Variants in GPC5 observed in about 807,000 individuals in gnomAD.
GPC5 encodes glypican 5.
Under a neutral mutation model 53.9 loss-of-function variants are expected in GPC5, and 47 were observed. That is an observed-to-expected ratio of 0.87 (90% CI 0.69 to 1.11). The LOEUF is 1.11. Ranked by LOEUF, GPC5 falls within the 50% of genes most tolerant of loss-of-function variation. The probability of loss-of-function intolerance (pLI) is 0.00; values close to 1 mark genes in which losing one functional copy is unlikely to be tolerated. For missense variants in GPC5, 748 were observed against 713.1 expected, an observed-to-expected ratio of 1.05 and a Z score of -0.56; for synonymous variants, 286 against 263.3, an observed-to-expected ratio of 1.09 and a Z score of -0.84.
intron 7 of GPC5, among the ~76,000 whole-genome samples, chr13:92,663,833 CTATATATATATACACACACACACTATA>C (rs1886454556): frequency 4.0e-5 from 5 of 124,138 alleles, no homozygotes; most frequent in African/African-American, 1.6e-4. Context: ...TATACACACA[CTATATATATATACACACACACACTATA>C]TATATATATA....
At chr13:92,271,714 A>G (rs2042841109) in intron 7 of GPC5, among the ~76,000 whole-genome samples, 1 of 152,180 alleles carries the variant, frequency 6.6e-6, no homozygotes, top group Non-Finnish European at 1.5e-5. Context: ...GAGAGTCAGA[A>G]AGAAGGTAGA....
chr13:91,702,357 A>G (rs1008392507), intron 3 of GPC5, among the ~76,000 whole-genome samples: 3 of 152,108 alleles, frequency 2.0e-5, no homozygotes, highest in Non-Finnish European at 4.4e-5. Flanking sequence ...TATCCAAAAA[A>G]TCTTGCTAAG....
At chr13:92,706,413 C>A (rs934464160) in intron 7 of GPC5, among the ~76,000 whole-genome samples, 1 of 151,780 alleles carries the variant, frequency 6.6e-6, no homozygotes, top group South Asian at 2.1e-4. Context: ...ATGTTGTTGA[C>A]TGGCAAATGG....
chr13:92,729,165 T>A (rs1488766832), intron 7 of GPC5, among the ~76,000 whole-genome samples: 1 of 151,382 alleles, frequency 6.6e-6, no homozygotes, highest in African/African-American at 2.4e-5. Context: ...TCCTTTGTTA[T>A]CTACCATGTC....
At chr13:91,450,592 T>G (rs1288960179) in intron 2 of GPC5, among the ~76,000 whole-genome samples, 2 of 152,172 alleles carry the variant, frequency 1.3e-5, no homozygotes, top group Admixed American at 6.5e-5. Flanking sequence ...GCTAAAAGTT[T>G]AGTGATAACC....
At chr13:92,314,774 T>C (rs906379682) in intron 7 of GPC5, among the ~76,000 whole-genome samples, 6 of 152,124 alleles carry the variant, frequency 3.9e-5, no homozygotes, top group African/African-American at 7.2e-5. Flanking sequence ...ATTTTTATTT[T>C]TATTTATTTA....
intron 7 of GPC5, among the ~76,000 whole-genome samples, chr13:92,654,337 G>T (rs1315631958): frequency 2.0e-5 from 3 of 152,030 alleles, no homozygotes; most frequent in African/African-American, 7.2e-5. Flanking sequence ...CAATAAAAAT[G>T]GTTTTCCAGA....
intron 1 of GPC5, among the ~76,000 whole-genome samples, chr13:91,433,697 A>G (rs1451488126): frequency 2.0e-5 from 3 of 152,060 alleles, no homozygotes; most frequent in Non-Finnish European, 2.9e-5. Context: ...ATGATTTATA[A>G]TCCTTTGGGT....
At chr13:92,143,971 T>C (rs1362670676) in intron 6 of GPC5, among the ~76,000 whole-genome samples, 1 of 152,160 alleles carries the variant, frequency 6.6e-6, no homozygotes, top group Non-Finnish European at 1.5e-5. Flanking sequence ...TACCCTCTAG[T>C]GCTCACACTT....
intron 6 of GPC5, among the ~76,000 whole-genome samples, chr13:92,050,408 T>C (rs2041018014): frequency 6.6e-6 from 1 of 152,170 alleles, no homozygotes; most frequent in African/African-American, 2.4e-5. Flanking sequence ...TGAGTGGTTA[T>C]ATGGGGATTA....
intron 7 of GPC5, among the ~76,000 whole-genome samples, chr13:92,231,790 A>AC (rs2042531840): frequency 6.6e-6 from 1 of 152,004 alleles, no homozygotes; most frequent in Non-Finnish European, 1.5e-5. Flanking sequence ...ACATGGTGAA[A>AC]CCCCATCTCT....
At chr13:92,715,819 G>T (rs959176892) in intron 7 of GPC5, among the ~76,000 whole-genome samples, 1 of 152,128 alleles carries the variant, frequency 6.6e-6, no homozygotes, top group Non-Finnish European at 1.5e-5. Context: ...ATGGACAAGG[G>T]CTCATACAAC....
intron 1 of GPC5, among the ~76,000 whole-genome samples, chr13:91,426,250 T>G (rs75647855): frequency 0.014 from 2,056 of 151,722 alleles, 24 homozygotes; most frequent in Non-Finnish European, 0.022. Context: ...ACCTTCCCGG[T>G]AGCCCCTCCC....
At chr13:91,879,133 T>C (rs1406639376) in intron 5 of GPC5, among the ~76,000 whole-genome samples, 1 of 152,098 alleles carries the variant, frequency 6.6e-6, no homozygotes, top group East Asian at 1.9e-4. Flanking sequence ...TTTTCATATA[T>C]AAATAATTAT....
At position 92,291,449 on chromosome 13, in the gene GPC5, A is replaced by G. The variant is rs141610759; in HGVS notation, c.1561+146460A>G. On this transcript the variant is annotated intron_variant, in intron 7 of 7. Transcript: ENST00000377067. ...TAGCTCAGGGTTTGTGAATGCACCAATCGACACTGTATCTAGCTAATCTAG... is the reference window on the plus strand; with the variant it reads ...TAGCTCAGGGTTTGTGAATGCACCAGTCGACACTGTATCTAGCTAATCTAG... Among the ~76,000 whole-genome samples the G allele has an allele frequency of 5.7e-3, 870 of 152,190 alleles. 8 individuals carry two copies. Among genetic ancestry groups the G allele is most frequent in the African/African-American group, 0.019 (808 of 41,530 alleles).
chr13:91,448,629 T>A, intron 1 of GPC5, 132 bp from the exon 2 acceptor site: 1 of 793,452 alleles, frequency 1.3e-6, no homozygotes, highest in Non-Finnish European at 1.9e-6. Context: ...AACTTTCTTA[T>A]AGCAAGTACT....
intron 2 of GPC5, among the ~76,000 whole-genome samples, chr13:91,525,411 A>G (rs1886039665): frequency 6.6e-6 from 1 of 152,208 alleles, no homozygotes; most frequent in Non-Finnish European, 1.5e-5. Flanking sequence ...ATATTTCATT[A>G]GGAGCTTATG....
At chr13:92,652,442 T>A (rs1201948316) in intron 7 of GPC5, among the ~76,000 whole-genome samples, 2 of 152,154 alleles carry the variant, frequency 1.3e-5, no homozygotes, top group African/African-American at 4.8e-5. Context: ...ATTTCATTAT[T>A]TCTACTTCCT....
At chr13:92,694,938 G>A (rs1887516053) in intron 7 of GPC5, among the ~76,000 whole-genome samples, 1 of 152,124 alleles carries the variant, frequency 6.6e-6, no homozygotes, top group Non-Finnish European at 1.5e-5. Context: ...GTGTAGGGTG[G>A]GGTCCCCCAT....
Sources: gnomAD v4.1 joint callset for allele counts (sites outside exome capture counted in the v4.1 genomes callset) on GRCh38, gnomAD v4.1.1 for gene constraint, MANE v1.5 for transcripts, NCBI Gene and HGNC (gene_info 2026-07-23, HGNC 2026-07-21) for gene names.